Variants in SGMS1 observed in about 807,000 individuals in gnomAD.
SGMS1 encodes phosphatidylcholine:ceramide cholinephosphotransferase 1.
SGMS1 carries 13 observed loss-of-function variants against 46.2 expected under a neutral mutation model. The observed-to-expected ratio is 0.28, with a 90% CI of 0.18 to 0.45. SGMS1 has a LOEUF of 0.45. Ranked by LOEUF, SGMS1 falls within the 20% of genes least tolerant of loss-of-function variation. The probability of loss-of-function intolerance (pLI) is 1.00; values close to 1 mark genes in which losing one functional copy is unlikely to be tolerated. For synonymous variants in SGMS1, 203 were observed against 187.8 expected (o/e 1.08, Z -0.66); for missense variants, 324 against 519.9 (o/e 0.62, Z 3.66).
At position 50,415,256 on chromosome 10, in the gene SGMS1, G is replaced by A. The variant is rs528261953; in HGVS notation, c.-232+18220C>T. On this transcript the variant is annotated intron_variant, in intron 6 of 10. Coordinates refer to ENST00000361781, the MANE Select transcript of SGMS1 (RefSeq NM_147156.4). Reference sequence around the variant, plus strand: ...CATGAATAATTCTTAGCAAACATACGCTACATACTGATCATCACTTTTATT... The same window carrying A: ...CATGAATAATTCTTAGCAAACATACACTACATACTGATCATCACTTTTATT... Among the ~76,000 whole-genome samples the A allele has an allele frequency of 3.0e-4, 46 of 152,274 alleles. 1 individual carries two copies. The highest frequency in any genetic ancestry group is 7.7e-4 in the East Asian group (4 of 5,180).
intron 3 of SGMS1, among the ~76,000 whole-genome samples, chr10:50,485,838 T>C (rs1837516760): frequency 6.6e-6 from 1 of 152,112 alleles, no homozygotes; most frequent in African/African-American, 2.4e-5. Flanking sequence ...AGGCAAAGGT[T>C]GCAATGAGCC....
Position 50,511,248 on chromosome 10 carries a change from TACACACACACACAC to T in SGMS1, c.-498+8569_-498+8582del, listed in dbSNP as rs3054272. Reference sequence around the variant, plus strand: ...TGAGAAATATTCATTCACTCATTCATACACACACACACACACACACACACACACACACACAGTGA... The same window carrying T: ...TGAGAAATATTCATTCACTCATTCATACACACACACACACACACACAGTGA... On this transcript the variant is annotated intron_variant, in intron 3 of 10. Coordinates refer to ENST00000361781, the MANE Select transcript of SGMS1 (RefSeq NM_147156.4). 2.4e-3 allele frequency among the ~76,000 whole-genome samples: 339 copies of T among 141,790 alleles called. 1 individual carries two copies. The highest frequency in any genetic ancestry group is 3.4e-3 in the Non-Finnish European group (219 of 64,304). The allele number at this position is 141,790 out of a possible 152,430, so 93.0% of individuals were successfully genotyped here. A position where few individuals can be genotyped will look rare whatever the true frequency, so the allele number is the denominator to read the frequency against.
At chr10:50,523,066 T>C (rs1429512367) in intron 2 of SGMS1, among the ~76,000 whole-genome samples, 1 of 152,268 alleles carries the variant, frequency 6.6e-6, no homozygotes, top group East Asian at 1.9e-4. Context: ...CCAGGGCAAA[T>C]GTGAGTCCCC....
intron 5 of SGMS1, among the ~76,000 whole-genome samples, chr10:50,434,102 G>A (rs1463214230): frequency 3.3e-5 from 5 of 152,220 alleles, no homozygotes; most frequent in African/African-American, 4.8e-5. Context: ...CACATGTCCA[G>A]TTCAACAACT....
chr10:50,352,973 G>A (rs1340376650), intron 6 of SGMS1, among the ~76,000 whole-genome samples: 3 of 152,248 alleles, frequency 2.0e-5, no homozygotes, highest in Middle Eastern at 3.4e-3. Context: ...AAAAGTCCAG[G>A]ACCAGATGGA....
At chr10:50,422,340 C>T (rs1319976013) in intron 6 of SGMS1, among the ~76,000 whole-genome samples, 1 of 152,122 alleles carries the variant, frequency 6.6e-6, no homozygotes, top group Non-Finnish European at 1.5e-5. Flanking sequence ...CCTTTGACTG[C>T]TGACACATCA....
At chr10:50,311,972 T>A (rs754508480) in intron 8 of SGMS1, among the ~76,000 whole-genome samples, 1 of 152,154 alleles carries the variant, frequency 6.6e-6, no homozygotes, top group Non-Finnish European at 1.5e-5. Flanking sequence ...GTAGGTAACA[T>A]TGAATAATTT....
At chr10:50,530,863 C>T (rs1374378322) in intron 2 of SGMS1, among the ~76,000 whole-genome samples, 1 of 152,038 alleles carries the variant, frequency 6.6e-6, no homozygotes, top group Non-Finnish European at 1.5e-5. Context: ...GAGGATAATA[C>T]TAAAGTGTGC....
intron 3 of SGMS1, among the ~76,000 whole-genome samples, chr10:50,509,202 C>T (rs185175655): frequency 4.6e-5 from 7 of 152,246 alleles, no homozygotes; most frequent in Admixed American, 6.5e-5. Flanking sequence ...GAATCACAGC[C>T]AAGAGTTTGG....
chr10:50,490,412 CCCAG>C (rs1837557664), intron 3 of SGMS1, among the ~76,000 whole-genome samples: 1 of 152,112 alleles, frequency 6.6e-6, no homozygotes, highest in Non-Finnish European at 1.5e-5. Context: ...TTTTAGACGG[CCCAG>C]TCATCAGAGT....
rs114060093 is a variant in SGMS1, at chr10:50,553,238, A to T, written c.-588-33317T>A. Among the ~76,000 whole-genome samples, 1,234 of 152,234 alleles carry T rather than the reference A, an allele frequency of 8.1e-3. 17 individuals are homozygous for T. The highest frequency in any genetic ancestry group is 0.028 in the African/African-American group (1,168 of 41,528). ...GGGAAAGAGTATAATTCAGTGGTTA[A>T]CACTCTGGACCTGGATTTAACCCCT... On this transcript the variant is annotated intron_variant, in intron 2 of 10. Transcript: ENST00000361781.
At chr10:50,612,753 G>A (rs942695684) in intron 1 of SGMS1, among the ~76,000 whole-genome samples, 1 of 152,190 alleles carries the variant, frequency 6.6e-6, no homozygotes, top group Non-Finnish European at 1.5e-5. Context: ...CTGTCGCCCA[G>A]GCTGGAGTGC....
At chr10:50,325,632 T>G (rs1481422172) in intron 8 of SGMS1, among the ~76,000 whole-genome samples, 2 of 152,232 alleles carry the variant, frequency 1.3e-5, no homozygotes, top group East Asian at 3.8e-4. Flanking sequence ...TCACCAAGTA[T>G]GGGCTTGCCA....
intron 5 of SGMS1, among the ~76,000 whole-genome samples, chr10:50,442,935 T>C (rs557984873): frequency 3.5e-4 from 53 of 152,364 alleles, no homozygotes; most frequent in African/African-American, 1.3e-3. Context: ...ATGAAATCTT[T>C]GCCTGTGCCT....
chr10:50,422,124 A>G (rs905628051), intron 6 of SGMS1, among the ~76,000 whole-genome samples: 2 of 151,996 alleles, frequency 1.3e-5, no homozygotes, highest in Non-Finnish European at 2.9e-5. Context: ...CCATTTCACA[A>G]CTAACATAGG....
intron 3 of SGMS1, among the ~76,000 whole-genome samples, chr10:50,512,053 C>T (rs1218765640): frequency 6.6e-6 from 1 of 152,084 alleles, no homozygotes; most frequent in Non-Finnish European, 1.5e-5. Context: ...ATTACAATGT[C>T]CATAGTAGGG....
At chr10:50,547,414 C>T (rs145687511) in intron 2 of SGMS1, among the ~76,000 whole-genome samples, 4 of 152,282 alleles carry the variant, frequency 2.6e-5, no homozygotes, top group East Asian at 3.9e-4. Flanking sequence ...CTAAAAACCA[C>T]CTCTGTGCAT....
intron 1 of SGMS1, among the ~76,000 whole-genome samples, chr10:50,603,164 T>C (rs1838663826): frequency 6.6e-6 from 1 of 152,248 alleles, no homozygotes. Context: ...TTATTCTACA[T>C]CTACAGTGTG....
intron 2 of SGMS1, among the ~76,000 whole-genome samples, chr10:50,565,464 A>G (rs996239914): frequency 6.6e-6 from 1 of 152,126 alleles, no homozygotes; most frequent in Non-Finnish European, 1.5e-5. Flanking sequence ...TTGGGAAAGC[A>G]TTTGTCAATG....
Sources: allele counts gnomAD v4.1 joint callset (sites outside exome capture counted in the v4.1 genomes callset), GRCh38; gene constraint gnomAD v4.1.1; transcripts MANE v1.5; gene names NCBI Gene and HGNC (gene_info 2026-07-23, HGNC 2026-07-21).